RBFOX1: variants seen among roughly 807,000 people sequenced by gnomAD.
RBFOX1 encodes the protein RNA binding protein fox-1 homolog 1.
A neutral mutation model predicts 57.7 loss-of-function variants in RBFOX1; 8 were observed. The ratio of observed to expected loss-of-function variants is 0.14; its 90% CI spans 0.08 to 0.25. The LOEUF (loss-of-function observed/expected upper bound fraction) is 0.25, where lower values mean the gene tolerates loss of function less well. RBFOX1 is among the 10% of genes least tolerant of loss of function. The probability of loss-of-function intolerance (pLI) is 1.00; values close to 1 mark genes in which losing one functional copy is unlikely to be tolerated. For missense variants in RBFOX1, 611 were observed against 548.5 expected, an observed-to-expected ratio of 1.11 and a Z score of -1.14; for synonymous variants, 326 against 222.4, an observed-to-expected ratio of 1.47 and a Z score of -4.15.
At chr16:6,191,912 A>T (rs2097144267) in intron 1 of RBFOX1, among the ~76,000 whole-genome samples, 1 of 152,186 alleles carries the variant, frequency 6.6e-6, no homozygotes, top group Admixed American at 6.5e-5. Flanking sequence ...GTCACTGCTA[A>T]GCTGACATAG....
chr16:6,467,918 C>A (rs1255231998), intron 2 of RBFOX1, among the ~76,000 whole-genome samples: 1 of 152,092 alleles, frequency 6.6e-6, no homozygotes, highest in Non-Finnish European at 1.5e-5. Flanking sequence ...TAGAATATGG[C>A]CAATAAAGGG....
At chr16:5,685,081 A>T (rs1446650397) in intron 3 of RBFOX1, among the ~76,000 whole-genome samples, 1 of 152,208 alleles carries the variant, frequency 6.6e-6, no homozygotes, top group Non-Finnish European at 1.5e-5. Context: ...AATTGGTCTC[A>T]TAAGCAGACA....
intron 3 of RBFOX1, among the ~76,000 whole-genome samples, chr16:6,821,538 C>G (rs933862332): frequency 4.6e-5 from 7 of 152,152 alleles, no homozygotes; most frequent in African/African-American, 1.7e-4. Flanking sequence ...GCCTATTAAT[C>G]AGATGCTTTT....
chr16:7,627,015 A>C (rs1227614163), intron 10 of RBFOX1, among the ~76,000 whole-genome samples: 2 of 152,146 alleles, frequency 1.3e-5, no homozygotes. Context: ...TTAAAAATGC[A>C]AGATAAGAGC....
At chr16:7,278,565 G>T (rs879876939) in intron 4 of RBFOX1, among the ~76,000 whole-genome samples, 1 of 152,278 alleles carries the variant, frequency 6.6e-6, no homozygotes, top group East Asian at 1.9e-4. Flanking sequence ...ATGACTGTCT[G>T]TGGGATGCAT....
chr16:5,386,464 G>C (rs992610476), intron 1 of RBFOX1, among the ~76,000 whole-genome samples: 2 of 152,118 alleles, frequency 1.3e-5, no homozygotes, highest in Non-Finnish European at 2.9e-5. Flanking sequence ...AGAAGCCAAA[G>C]CTGTCAGCTT....
chr16:6,218,343 C>G (rs1263186507), intron 1 of RBFOX1, among the ~76,000 whole-genome samples: 2 of 152,016 alleles, frequency 1.3e-5, no homozygotes, highest in East Asian at 1.9e-4. Flanking sequence ...CAGTCTCACT[C>G]TATTGCCCAG....
chr16:5,629,859 C>G (rs942657189), intron 3 of RBFOX1, among the ~76,000 whole-genome samples: 1 of 152,112 alleles, frequency 6.6e-6, no homozygotes, highest in East Asian at 1.9e-4. Flanking sequence ...GCCTTGAAGC[C>G]CACTTTATGT....
At chr16:6,409,165 G>T (rs1385964773) in intron 2 of RBFOX1, among the ~76,000 whole-genome samples, 1 of 152,166 alleles carries the variant, frequency 6.6e-6, no homozygotes, top group Non-Finnish European at 1.5e-5. Flanking sequence ...TGTAATCCCA[G>T]CATTGTGGGA....
intron 4 of RBFOX1, among the ~76,000 whole-genome samples, chr16:7,356,725 G>A (rs139651940): frequency 1.4e-4 from 21 of 152,314 alleles, no homozygotes; most frequent in African/African-American, 4.3e-4. Context: ...AGACAAATAC[G>A]TTAAAGAAGT....
intron 3 of RBFOX1, among the ~76,000 whole-genome samples, chr16:7,020,185 C>G (rs1032159329): frequency 5.3e-5 from 8 of 152,048 alleles, no homozygotes; most frequent in African/African-American, 1.7e-4. Context: ...CTGTGTAAAT[C>G]TAAAATATTT....
chr16:6,159,923 A>G (rs2096865781), intron 1 of RBFOX1, among the ~76,000 whole-genome samples: 1 of 152,200 alleles, frequency 6.6e-6, no homozygotes, highest in Non-Finnish European at 1.5e-5. Context: ...GCCAGCCTTA[A>G]GGTGCTTTAA....
chr16:6,870,157 T>C (rs1178339543), intron 3 of RBFOX1, among the ~76,000 whole-genome samples: 2 of 152,192 alleles, frequency 1.3e-5, no homozygotes, highest in African/African-American at 4.8e-5. Flanking sequence ...CACAGGATGG[T>C]GATGAATGAG....
chr16:5,558,657 T>C (rs2045772076), intron 2 of RBFOX1, among the ~76,000 whole-genome samples: 1 of 152,164 alleles, frequency 6.6e-6, no homozygotes, highest in Admixed American at 6.5e-5. Context: ...GCAAGCTCCA[T>C]GGCTCTGTTC....
chr16:5,833,168 T>C (rs931355511), intron 3 of RBFOX1, among the ~76,000 whole-genome samples: 26 of 152,180 alleles, frequency 1.7e-4, no homozygotes, highest in African/African-American at 5.8e-4. Context: ...CATCTCCTCC[T>C]AATTTTCTAG....
chr16:5,406,778 A>T (rs188053252), intron 1 of RBFOX1, among the ~76,000 whole-genome samples: 1 of 152,130 alleles, frequency 6.6e-6, no homozygotes, highest in East Asian at 1.9e-4. Flanking sequence ...CTGGGGATCC[A>T]ATAGTGAACT....
At chr16:7,066,515 TACCAAA>T (rs2056078171) in intron 4 of RBFOX1, among the ~76,000 whole-genome samples, 2 of 152,160 alleles carry the variant, frequency 1.3e-5, no homozygotes, top group Non-Finnish European at 2.9e-5. Context: ...TTTAAATAGC[TACCAAA>T]TGAGCTGAGT....
At chr16:7,368,126 A>G (rs1444797564) in intron 4 of RBFOX1, among the ~76,000 whole-genome samples, 2 of 151,996 alleles carry the variant, frequency 1.3e-5, no homozygotes, top group Non-Finnish European at 2.9e-5. Context: ...AATTAGGTGG[A>G]CATGGTGGCA....
chr16:6,026,334 C>G (rs1428003500), intron 1 of RBFOX1, among the ~76,000 whole-genome samples: 3 of 152,234 alleles, frequency 2.0e-5, no homozygotes, highest in African/African-American at 7.2e-5. Context: ...TTTGATGCTT[C>G]TCACACACTT....
Sources: gnomAD v4.1 joint callset for allele counts (sites outside exome capture counted in the v4.1 genomes callset) on GRCh38, gnomAD v4.1.1 for gene constraint, MANE v1.5 for transcripts, NCBI Gene and HGNC (gene_info 2026-07-23, HGNC 2026-07-21) for gene names.